The following RAB33B variants were observed in gnomAD, a reference collection of about 807,000 sequenced individuals.
The protein encoded by RAB33B is RAB33B, member RAS oncogene family.
RAB33B carries 6 observed loss-of-function variants against 15.0 expected under a neutral mutation model. The ratio of observed to expected loss-of-function variants is 0.40; its 90% CI spans 0.22 to 0.79. RAB33B has a LOEUF of 0.79. Ranked by LOEUF, RAB33B falls within the 30% of genes least tolerant of loss-of-function variation. The pLI is 0.37. For synonymous variants in RAB33B, 117 were observed against 108.3 expected, an observed-to-expected ratio of 1.08 and a Z score of -0.50; for missense variants, 257 against 296.4, an observed-to-expected ratio of 0.87 and a Z score of 0.98.
chr4:139,443,376 G>T, the RAB33B span, among the ~76,000 whole-genome samples: 1 of 152,298 alleles, frequency 6.6e-6, no homozygotes, highest in African/African-American at 2.4e-5. Flanking sequence ...GGAGTTTAGT[G>T]ACTCTATACA....
the RAB33B span, among the ~76,000 whole-genome samples, chr4:139,444,798 C>A: frequency 1.3e-5 from 2 of 152,204 alleles, no homozygotes; most frequent in Non-Finnish European, 2.9e-5. Context: ...GCATACTTAG[C>A]AGCTGGCAGA....
intron 1 of RAB33B, among the ~76,000 whole-genome samples, chr4:139,468,785 T>C (rs1296269968): frequency 6.6e-6 from 1 of 152,204 alleles, no homozygotes; most frequent in Non-Finnish European, 1.5e-5. Flanking sequence ...TTGGGGAAAG[T>C]CTTTATTTCT....
At chr4:139,438,485 A>G in the RAB33B span, among the ~76,000 whole-genome samples, 2 of 152,170 alleles carry the variant, frequency 1.3e-5, no homozygotes, top group Non-Finnish European at 2.9e-5. Context: ...AAGACTAGAT[A>G]GGCATGTACT....
upstream of RAB33B, chr4:139,452,280 CAG>C (rs888673816): frequency 3.0e-4 from 45 of 152,168 alleles, no homozygotes; most frequent in African/African-American, 1.0e-3. Context: ...ACAGCAAAAA[CAG>C]TATTCAAAGA....
chr4:139,449,035 C>T (rs1195293285), upstream of RAB33B: 1 of 152,116 alleles, frequency 6.6e-6, no homozygotes, highest in East Asian at 1.9e-4. Flanking sequence ...TTATTTTATC[C>T]TCTCCTAAGC....
At chr4:139,463,085 G>A (rs1750204573) in intron 1 of RAB33B, among the ~76,000 whole-genome samples, 2 of 152,190 alleles carry the variant, frequency 1.3e-5, no homozygotes, top group Non-Finnish European at 2.9e-5. Context: ...AGGATTACTT[G>A]AGCATGGGAG....
chr4:139,453,689 G>C (rs1047704181), upstream of RAB33B: 1 of 152,526 alleles, frequency 6.6e-6, no homozygotes, highest in Non-Finnish European at 1.5e-5. Flanking sequence ...CCTTACCGTT[G>C]CTCTCCAGGT....
At chr4:139,463,221 A>G (rs533033711) in intron 1 of RAB33B, among the ~76,000 whole-genome samples, 10 of 152,290 alleles carry the variant, frequency 6.6e-5, no homozygotes, top group African/African-American at 9.6e-5. Flanking sequence ...TTGGAGTGCA[A>G]TGGTGCGATG....
intron 1 of RAB33B, among the ~76,000 whole-genome samples, chr4:139,467,308 C>CTT (rs70943422): frequency 0.21 from 3,773 of 17,614 alleles, 1,377 homozygotes; most frequent in Non-Finnish European, 0.43. Context: ...CCCCCCGCCG[C>CTT]TTTTTTTTTT....
the RAB33B span, among the ~76,000 whole-genome samples, chr4:139,443,093 C>T: frequency 1.8e-4 from 27 of 151,744 alleles, no homozygotes; most frequent in East Asian, 7.8e-4. Context: ...CCCGGGTTCA[C>T]GCCATTCTCC....
upstream of RAB33B, chr4:139,452,406 T>C (rs189343101): frequency 6.6e-6 from 1 of 152,358 alleles, no homozygotes; most frequent in Non-Finnish European, 1.5e-5. Flanking sequence ...GATGCAATGA[T>C]GTTAGTTTTT....
chr4:139,439,231 A>C, the RAB33B span, among the ~76,000 whole-genome samples: 8 of 152,018 alleles, frequency 5.3e-5, no homozygotes, highest in Non-Finnish European at 8.8e-5. Context: ...GGATCTCCTG[A>C]CCTCGTGATC....
At chr4:139,441,333 T>A in the RAB33B span, among the ~76,000 whole-genome samples, 2 of 152,220 alleles carry the variant, frequency 1.3e-5, no homozygotes, top group Non-Finnish European at 2.9e-5. Flanking sequence ...CAGAGACACA[T>A]TGCAAATGAA....
In RAB33B at chr4:139,475,712, A is replaced by G. The variant is rs1750488454; in HGVS notation, c.*2586A>G. The G allele has an allele frequency of 6.6e-6, 1 of 152,130 alleles. No individual in the cohort carries two copies. Among genetic ancestry groups the G allele is most frequent in the Non-Finnish European group, 1.5e-5 (1 of 67,982 alleles). 9.4% of individuals were successfully genotyped at this position (152,130 alleles called of 1,614,324 possible). ...TGAAAATAAATAATTAAAATATCAG[A>G]CATGTTTTGGAAAAGTCTTAATTTG... On this transcript the variant is annotated 3_prime_UTR_variant, in exon 2 of 2. Coordinates refer to ENST00000305626, the MANE Select transcript of RAB33B (RefSeq NM_031296.3).
Position 139,454,312 on chromosome 4 carries a change from C to T in RAB33B, c.117C>T (p.Ile39=). 2 of 1,614,092 alleles carry T rather than the reference C, an allele frequency of 1.2e-6. No homozygotes were observed. Among genetic ancestry groups the T allele is most frequent in the Non-Finnish European group, 1.7e-6 (2 of 1,180,022 alleles). The change falls in exon 1 of 2, where the codon ATC becomes ATT. Residue 39 remains isoleucine (I), a synonymous_variant. Coordinates refer to ENST00000305626, the MANE Select transcript of RAB33B (RefSeq NM_031296.3). The part of the protein sequence containing the change: ...ARSRIFKIIV[I]GDSNVGKTCL... The stretch of plus-strand genomic sequence containing the variant: ...CCCGCATCTTCAAGATAATCGTGAT[C>T]GGCGACTCCAATGTGGGCAAGACAT...
chr4:139,464,802 G>C (rs1289427718), intron 1 of RAB33B, among the ~76,000 whole-genome samples: 1 of 152,134 alleles, frequency 6.6e-6, no homozygotes, highest in Admixed American at 6.5e-5. Flanking sequence ...TGGACATTTG[G>C]GTTGGTTCCA....
chr4:139,439,197 T>C, the RAB33B span, among the ~76,000 whole-genome samples: 1 of 152,172 alleles, frequency 6.6e-6, no homozygotes, highest in Non-Finnish European at 1.5e-5. Flanking sequence ...AGATGGGGTT[T>C]CACTGTGTTA....
intron 1 of RAB33B, among the ~76,000 whole-genome samples, chr4:139,467,754 T>G (rs925985432): frequency 7.2e-5 from 11 of 151,770 alleles, no homozygotes; most frequent in African/African-American, 2.4e-4. Flanking sequence ...GCTACTCAGG[T>G]GGCTGAGGCA....
At chr4:139,443,735 A>G in the RAB33B span, among the ~76,000 whole-genome samples, 1 of 152,194 alleles carries the variant, frequency 6.6e-6, no homozygotes, top group Non-Finnish European at 1.5e-5. Context: ...AACGCTGATG[A>G]ACTTTTTTTG....
Sources: gnomAD v4.1 joint callset for allele counts (sites outside exome capture counted in the v4.1 genomes callset) on GRCh38, gnomAD v4.1.1 for gene constraint, MANE v1.5 for transcripts, NCBI Gene and HGNC (gene_info 2026-07-23, HGNC 2026-07-21) for gene names.